The following PDE4B variants were observed in gnomAD, a reference collection of about 807,000 sequenced individuals.
PDE4B encodes the protein 3',5'-cyclic-AMP phosphodiesterase 4B.
A neutral mutation model predicts 82.2 loss-of-function variants in PDE4B; 20 were observed. The ratio of observed to expected loss-of-function variants is 0.24; its 90% CI spans 0.17 to 0.35. The LOEUF is 0.35. PDE4B is among the 10% of genes least tolerant of loss of function. The pLI is 1.00. For synonymous variants in PDE4B, 320 were observed against 318.9 expected (o/e 1.00, Z -0.04); for missense variants, 655 against 907.2 (o/e 0.72, Z 3.57).
intron 3 of PDE4B, among the ~76,000 whole-genome samples, chr1:65,952,047 G>A (rs972884866): frequency 5.9e-5 from 9 of 152,018 alleles, no homozygotes; most frequent in African/African-American, 1.9e-4. Flanking sequence ...TAGTCCGCAC[G>A]TCAGAATATT....
intron 3 of PDE4B, among the ~76,000 whole-genome samples, chr1:66,006,261 TC>T (rs538475423): frequency 5.3e-4 from 81 of 152,296 alleles, no homozygotes; most frequent in Admixed American, 9.8e-4. Context: ...CAGATTGACA[TC>T]GCTTAGTGAG....
intron 3 of PDE4B, among the ~76,000 whole-genome samples, chr1:66,188,574 C>G (rs1647406611): frequency 6.6e-6 from 1 of 151,468 alleles, no homozygotes; most frequent in South Asian, 2.1e-4. Flanking sequence ...GAATTGATCC[C>G]TTTACCATTA....
At position 66,372,638 on chromosome 1, in the gene PDE4B, T is replaced by C. The variant is rs781759982; in HGVS notation, c.2171T>C (p.Ile724Thr). Residue 724 changes from isoleucine to threonine, a missense_variant, in exon 17 of 17, where the codon ATA becomes ACA. This residue lies in a region of PDE4B where 119 missense variants were observed against 115.2 expected (regional missense o/e 1.03). Transcript: ENST00000341517. ...AGAGATTCCCTGGGAGAGACTGACA[T>C]AGACATTGCAACAGAAGACAAGTCC... is the stretch of plus-strand genomic sequence containing the variant. ...ENRDSLGETD[I>T]DIATEDKSPV... 2 of 1,613,968 alleles carry C rather than the reference T, an allele frequency of 1.2e-6. No individual in the cohort carries two copies. Among genetic ancestry groups the C allele is most frequent in the South Asian group, 2.2e-5 (2 of 91,086 alleles).
intron 3 of PDE4B, among the ~76,000 whole-genome samples, chr1:66,200,797 G>A (rs553379784): frequency 9.2e-5 from 14 of 152,158 alleles, no homozygotes; most frequent in Non-Finnish European, 1.6e-4. Flanking sequence ...TGCAAACAGG[G>A]AGAATTTACT....
At chr1:66,158,239 A>G (rs1172801546) in intron 3 of PDE4B, among the ~76,000 whole-genome samples, 2 of 152,234 alleles carry the variant, frequency 1.3e-5, no homozygotes, top group Non-Finnish European at 2.9e-5. Context: ...AAGCTACTGC[A>G]CAGCAACAGA....
chr1:66,073,286 G>C (rs1656255430), intron 3 of PDE4B, among the ~76,000 whole-genome samples: 1 of 152,028 alleles, frequency 6.6e-6, no homozygotes, highest in Admixed American at 6.6e-5. Context: ...TTTGATTTGA[G>C]GCTTTACCAC....
intron 1 of PDE4B, among the ~76,000 whole-genome samples, chr1:65,869,903 T>A (rs1646554571): frequency 6.6e-6 from 1 of 152,008 alleles, no homozygotes; most frequent in South Asian, 2.1e-4. Context: ...CTAACAGAAA[T>A]CCTCTCATAA....
intron 8 of PDE4B, among the ~76,000 whole-genome samples, chr1:66,347,981 A>G (rs916960290): frequency 9.9e-5 from 15 of 152,218 alleles, no homozygotes; most frequent in African/African-American, 2.4e-5. Context: ...AACTACTTTC[A>G]TGTCAGATAT....
At chr1:66,118,428 G>A (rs1296040944) in intron 3 of PDE4B, among the ~76,000 whole-genome samples, 3 of 152,126 alleles carry the variant, frequency 2.0e-5, no homozygotes, top group Non-Finnish European at 4.4e-5. Flanking sequence ...GTAGGGACAT[G>A]GATAAAGCTG....
Position 66,014,557 on chromosome 1 carries a change from C to T in PDE4B, c.281+95722C>T, listed in dbSNP as rs544269238. Among the ~76,000 whole-genome samples, 56 of 152,168 alleles carry T rather than the reference C, an allele frequency of 3.7e-4. 1 individual carries two copies. In the East Asian group the frequency reaches 0.01, roughly 28 times the overall value. On this transcript the variant is annotated intron_variant, in intron 3 of 16. Transcript: ENST00000341517. ...TGTTGGTACCCAGCTCTCCCAACAC[C>T]ATTTGTTAAAGAAAAAAACCATACA...
At chr1:66,083,055 G>C (rs964105393) in intron 3 of PDE4B, among the ~76,000 whole-genome samples, 1 of 152,048 alleles carries the variant, frequency 6.6e-6, no homozygotes, top group Non-Finnish European at 1.5e-5. Context: ...GCAGTCTTCT[G>C]CCGCCTCCCT....
chr1:66,270,741 C>G (rs1336126137), intron 7 of PDE4B, among the ~76,000 whole-genome samples: 1 of 150,592 alleles, frequency 6.6e-6, no homozygotes, highest in Admixed American at 6.6e-5. Flanking sequence ...AAGGCTCTGA[C>G]CAGTCATGAT....
At chr1:65,844,733 A>G (rs1646249542) in intron 1 of PDE4B, among the ~76,000 whole-genome samples, 2 of 152,166 alleles carry the variant, frequency 1.3e-5, no homozygotes, top group South Asian at 4.1e-4. Flanking sequence ...AACTAAAAAA[A>G]GAGATAAAAA....
chr1:65,996,945 AG>A, intron 3 of PDE4B, among the ~76,000 whole-genome samples: 1 of 152,306 alleles, frequency 6.6e-6, no homozygotes, highest in East Asian at 1.9e-4. Flanking sequence ...TATGAAGCAC[AG>A]TGTTATCCTA....
chr1:66,078,733 A>G (rs1435550362), intron 3 of PDE4B, among the ~76,000 whole-genome samples: 2 of 152,148 alleles, frequency 1.3e-5, no homozygotes, highest in Admixed American at 6.6e-5. Context: ...AAATCTGTTC[A>G]TAGATCTTAG....
At chr1:65,891,465 T>C (rs954210331) in intron 1 of PDE4B, among the ~76,000 whole-genome samples, 1 of 152,074 alleles carries the variant, frequency 6.6e-6, no homozygotes, top group Non-Finnish European at 1.5e-5. Flanking sequence ...TTTATATAAC[T>C]ATACTGTATA....
chr1:66,063,356 C>CTT lies in PDE4B; in HGVS notation c.281+144522_281+144523dup, dbSNP rs199675945. Among the ~76,000 whole-genome samples the CTT allele has an allele frequency of 8.7e-3, 1,326 of 152,052 alleles. 18 individuals are homozygous for CTT. The highest frequency in any genetic ancestry group is 0.03 in the African/African-American group (1,242 of 41,504). On this transcript the variant is annotated intron_variant, in intron 3 of 16. Coordinates refer to ENST00000341517, the MANE Select transcript of PDE4B (RefSeq NM_002600.4). ...TAATTACCAGAGTCTGAGCCCCCTA[C>CTT]TTAGGGATTCTGATATAATTTATCT...
chr1:66,262,305 A>G (rs1033925795), intron 6 of PDE4B, among the ~76,000 whole-genome samples: 1 of 152,250 alleles, frequency 6.6e-6, no homozygotes, highest in Non-Finnish European at 1.5e-5. Flanking sequence ...AGGACTCAGT[A>G]CGTTGTAAAT....
intron 1 of PDE4B, among the ~76,000 whole-genome samples, chr1:65,815,688 TA>T (rs1347052963): frequency 2.0e-5 from 3 of 152,270 alleles, no homozygotes; most frequent in South Asian, 2.1e-4. Context: ...GTCCTGAAGC[TA>T]AAAAAATTTA....
Sources: allele counts gnomAD v4.1 joint callset (sites outside exome capture counted in the v4.1 genomes callset), GRCh38; gene constraint gnomAD v4.1.1; regional missense constraint gnomAD v4.1.1; transcripts MANE v1.5; gene names NCBI Gene and HGNC (gene_info 2026-07-23, HGNC 2026-07-21).